TRPM1: variants seen among roughly 807,000 people sequenced by gnomAD.
TRPM1 encodes the protein transient receptor potential cation channel subfamily M member 1, also known as TRPM1-203 APA Isoform, Intron 10.
In TRPM1, 113 loss-of-function variants were observed where a neutral mutation model predicts 149.4. That is an observed-to-expected ratio of 0.76 (90% CI 0.65 to 0.88). The LOEUF (loss-of-function observed/expected upper bound fraction) is 0.88, where lower values mean the gene tolerates loss of function less well. Ranked by LOEUF, TRPM1 falls within the 40% of genes least tolerant of loss-of-function variation. The pLI is 0.00. For missense variants in TRPM1, 1,976 were observed against 2,038.7 expected (o/e 0.97, Z 0.59); for synonymous variants, 741 against 759.5 (o/e 0.98, Z 0.40).
chr15:31,105,861 T>C (rs2035599566), upstream of TRPM1, among the ~76,000 whole-genome samples: 2 of 152,230 alleles, frequency 1.3e-5, no homozygotes, highest in Admixed American at 1.3e-4. Flanking sequence ...TGGCAATGTC[T>C]GAGAATTATT....
intron 1 of TRPM1, among the ~76,000 whole-genome samples, chr15:31,112,395 T>A (rs1048032567): frequency 1.3e-5 from 2 of 152,194 alleles, no homozygotes; most frequent in African/African-American, 4.8e-5. Flanking sequence ...GGAGACTTGC[T>A]TGAACCTGGG....
At chr15:31,101,240 A>C (rs904349092) in intron 1 of TRPM1, among the ~76,000 whole-genome samples, 1 of 152,260 alleles carries the variant, frequency 6.6e-6, no homozygotes, top group Non-Finnish European at 1.5e-5. Flanking sequence ...GCTCCTGAGC[A>C]GATCCCTGGC....
intron 1 of TRPM1, among the ~76,000 whole-genome samples, chr15:31,092,448 G>A (rs1397378498): frequency 2.0e-5 from 3 of 152,156 alleles, no homozygotes; most frequent in Non-Finnish European, 2.9e-5. Flanking sequence ...AGCCCAGGCC[G>A]ACCACGCGGC....
chr15:31,088,632 A>G (rs1443659046), intron 1 of TRPM1, among the ~76,000 whole-genome samples: 1 of 152,214 alleles, frequency 6.6e-6, no homozygotes, highest in Non-Finnish European at 1.5e-5. Flanking sequence ...ATCTGAAGGA[A>G]CAAACTGCGG....
chr15:31,068,540 G>C (rs995594048), intron 4 of TRPM1, among the ~76,000 whole-genome samples: 1 of 151,710 alleles, frequency 6.6e-6, no homozygotes, highest in African/African-American at 2.4e-5. Flanking sequence ...TCAGGAGTTC[G>C]AGACCAGCCT....
At chr15:31,009,316 G>A (rs2032100816) in intron 27 of TRPM1, among the ~76,000 whole-genome samples, 1 of 152,034 alleles carries the variant, frequency 6.6e-6, no homozygotes, top group Non-Finnish European at 1.5e-5. Context: ...GGCAACACAG[G>A]AGACCTCGGC....
chr15:31,115,865 G>T (rs903101862), intron 1 of TRPM1, among the ~76,000 whole-genome samples: 5 of 151,898 alleles, frequency 3.3e-5, no homozygotes, highest in African/African-American at 1.2e-4. Context: ...TCTGGAGGCT[G>T]GGAAGTCCAA....
chr15:31,062,851 A>G (rs1165682807), intron 8 of TRPM1, 149 bp from the exon 9 acceptor site: 9 of 1,030,324 alleles, frequency 8.7e-6, no homozygotes, highest in Middle Eastern at 2.8e-4. Context: ...CAAACATCGT[A>G]TTCTCACTTG....
In TRPM1 at chr15:31,047,849, A is replaced by G. The variant is rs761064260; in HGVS notation, c.1623+40T>C. On this transcript the variant is annotated intron_variant, in intron 14 of 27. Transcript: ENST00000256552. ...TTGCTCTTAAGAAATGATTTTGTGAAAGATGCCAACAGGTAAGAATTGTAA... is the reference window on the plus strand; with the variant it reads ...TTGCTCTTAAGAAATGATTTTGTGAGAGATGCCAACAGGTAAGAATTGTAA... 3.9e-6 allele frequency: 6 copies of G among 1,537,562 alleles called. No homozygotes were observed. The South Asian group carries it at 6.7e-5, about 17-fold the overall frequency.
chr15:31,013,095 C>T (rs1294116665), intron 27 of TRPM1, among the ~76,000 whole-genome samples: 1 of 151,864 alleles, frequency 6.6e-6, no homozygotes, highest in Non-Finnish European at 1.5e-5. Flanking sequence ...ATCCTCCCAC[C>T]TCAGCCTCCC....
chr15:31,009,199 A>G (rs554929099), intron 27 of TRPM1, among the ~76,000 whole-genome samples: 22 of 151,434 alleles, frequency 1.5e-4, no homozygotes, highest in Middle Eastern at 3.2e-3. Context: ...TTCTTTCAGC[A>G]CTTTAAAAAC....
At chr15:31,072,900 C>T (rs1056993449) in intron 3 of TRPM1, among the ~76,000 whole-genome samples, 7 of 151,914 alleles carry the variant, frequency 4.6e-5, no homozygotes, top group African/African-American at 1.2e-4. Flanking sequence ...GATCTCTTTC[C>T]GTATTCTGGA....
chr15:31,070,048 A>G lies in TRPM1; in HGVS notation c.262T>C (p.Tyr88His), dbSNP rs1251693365. 4.3e-6 allele frequency: 7 copies of G among 1,614,044 alleles called. No individual in the cohort carries two copies. The highest frequency in any genetic ancestry group is 5.9e-6 in the Non-Finnish European group (7 of 1,180,038). Residue 88 changes from tyrosine (Y) to histidine (H), a missense_variant, in exon 4 of 28, where the codon TAT becomes CAT. By Grantham distance (83) the Tyr-to-His change is moderately conservative (BLOSUM62 2). Coordinates refer to ENST00000256552, the MANE Select transcript of TRPM1 (RefSeq NM_001252024.2). ...YGVLEFQGGG[Y>H]SNKAMYIRVS... Reference sequence around the variant, plus strand: ...TTTCTCACCATGGCTTTATTGGAATATCCGCCACCCTGGAATTCAAGAACT... The same window carrying G: ...TTTCTCACCATGGCTTTATTGGAATGTCCGCCACCCTGGAATTCAAGAACT...
At chr15:31,088,637 C>T (rs1016898835) in intron 1 of TRPM1, among the ~76,000 whole-genome samples, 1 of 152,216 alleles carries the variant, frequency 6.6e-6, no homozygotes, top group African/African-American at 2.4e-5. Context: ...AAGGAACAAA[C>T]TGCGGACATG....
chr15:31,125,781 G>A (rs1057430376), intron 1 of TRPM1, among the ~76,000 whole-genome samples: 1 of 142,568 alleles, frequency 7.0e-6, no homozygotes, highest in African/African-American at 2.5e-5. Flanking sequence ...AAATTAAAAT[G>A]TGTATGCACC....
chr15:31,045,041 G>A lies in TRPM1; in HGVS notation c.1794+1163C>T, dbSNP rs558770538. Among the ~76,000 whole-genome samples, 40 of 152,200 alleles carry A rather than the reference G, an allele frequency of 2.6e-4. 1 individual carries two copies. The South Asian group carries it at 6.2e-3, about 24-fold the overall frequency. On this transcript the variant is annotated intron_variant, in intron 16 of 27. Coordinates refer to ENST00000256552, the MANE Select transcript of TRPM1 (RefSeq NM_001252024.2). ...ACTTCTAAGAAATAGGACTGGACCC[G>A]GAAATTTTACAGGTGAGTCCACCAA...
upstream of TRPM1, among the ~76,000 whole-genome samples, chr15:31,104,841 A>T (rs763755518): frequency 6.6e-6 from 1 of 151,616 alleles, no homozygotes; most frequent in Non-Finnish European, 1.5e-5. Flanking sequence ...TGATCCGCCC[A>T]CCCTGGCCTC....
intron 16 of TRPM1, among the ~76,000 whole-genome samples, chr15:31,043,483 C>T (rs2338835): frequency 6.6e-6 from 1 of 152,028 alleles, no homozygotes; most frequent in Non-Finnish European, 1.5e-5. Flanking sequence ...TGAGCCACCA[C>T]GCCCGGCCAC....
rs1440951531 is a variant in TRPM1, at chr15:31,028,480, A to G, written c.3149-4T>C. On this transcript the variant is annotated splice_polypyrimidine_tract_variant and splice_region_variant and intron_variant, in intron 24 of 27. Coordinates refer to ENST00000256552, the MANE Select transcript of TRPM1 (RefSeq NM_001252024.2). ...TATAGGTTCTCACCACAAGGAGCTG[A>G]AAGAAAAAAATAGTTTTGTCTTTGC... The G allele has an allele frequency of 6.2e-7, 1 of 1,613,880 alleles. No individual in the cohort carries two copies. The highest frequency in any genetic ancestry group is 1.3e-5 in the African/African-American group (1 of 74,932).
Sources: allele counts gnomAD v4.1 joint callset (sites outside exome capture counted in the v4.1 genomes callset), GRCh38; gene constraint gnomAD v4.1.1; transcripts MANE v1.5; gene names NCBI Gene and HGNC (gene_info 2026-07-23, HGNC 2026-07-21).